SP100: variants seen among roughly 807,000 people sequenced by gnomAD.
SP100 encodes SP100 nuclear body protein, also known as nuclear autoantigen Sp-100.
SP100 carries 84 observed loss-of-function variants against 130.0 expected under a neutral mutation model. That is an observed-to-expected ratio of 0.65 (90% CI 0.54 to 0.77). The LOEUF (loss-of-function observed/expected upper bound fraction) is 0.77, where lower values mean the gene tolerates loss of function less well. Among genes scored for constraint, SP100 ranks in the 30% least tolerant of loss-of-function variants. SP100 has a pLI of 0.00. For missense variants in SP100, 978 were observed against 1,052.2 expected, an observed-to-expected ratio of 0.93 and a Z score of 0.97; for synonymous variants, 331 against 351.7, an observed-to-expected ratio of 0.94 and a Z score of 0.66.
chr2:230,530,603 T>G (rs1052385729), intron 24 of SP100, among the ~76,000 whole-genome samples: 1 of 152,148 alleles, frequency 6.6e-6, no homozygotes, highest in African/African-American at 2.4e-5. Flanking sequence ...ATAAAGAGCT[T>G]CTGCACAGCA....
chr2:230,481,579 C>G (rs914169652), intron 17 of SP100, among the ~76,000 whole-genome samples: 12 of 152,240 alleles, frequency 7.9e-5, no homozygotes, highest in Non-Finnish European at 1.3e-4. Flanking sequence ...TAAATGGTCT[C>G]TCTGCTTTCA....
At chr2:230,435,664 A>C (rs1214785894) in intron 2 of SP100, among the ~76,000 whole-genome samples, 1 of 152,158 alleles carries the variant, frequency 6.6e-6, no homozygotes, top group Non-Finnish European at 1.5e-5. Flanking sequence ...ATTCCATCAC[A>C]CAGGTGTTAA....
Position 230,540,946 on chromosome 2 carries a change from C to T in SP100, c.2281C>T (p.His761Tyr), listed in dbSNP as rs1335440836. The change falls in exon 26 of 29, where the codon CAT becomes TAT. Residue 761 changes from histidine (H) to tyrosine (Y), a missense_variant. Coordinates refer to ENST00000340126, the MANE Select transcript of SP100 (RefSeq NM_001080391.2). ...AAGATGCCCAGAAAGCCAATCAGGT[C>T]ATCAGGAATCTGAAGTCCTGATGAG... ...QERCPESQSGHQESEVLMRQM... is the reference protein window; with the variant it reads ...QERCPESQSGYQESEVLMRQM... The T allele has an allele frequency of 6.2e-7, 1 of 1,613,530 alleles. No individual in the cohort carries two copies. The highest frequency in any genetic ancestry group is 1.7e-5 in the Admixed American group (1 of 59,998).
chr2:230,522,476 C>CTTTTTTTTTTTTTTTTT (rs750389091), intron 24 of SP100, among the ~76,000 whole-genome samples: 1 of 82,138 alleles, frequency 1.2e-5, no homozygotes, highest in Non-Finnish European at 2.1e-5. Context: ...CCCCAGTGTT[C>CTTTTTTTTTTTTTTTTT]TTTTTTTTTT....
Position 230,461,341 on chromosome 2 carries a change from G to A in SP100, c.900G>A (p.Lys300=). The change falls in exon 9 of 29, where the codon AAG becomes AAA. Residue 300 remains lysine, a synonymous_variant. Coordinates refer to ENST00000340126, the MANE Select transcript of SP100 (RefSeq NM_001080391.2). ...GACTGGTGGATATAAAAAAGGAAAA[G>A]CCATTTTCTAATTCAAAAGTTGAGT... ...SVRLVDIKKE[K]PFSNSKVECQ... is the part of the protein sequence containing the mutation. 6.2e-7 allele frequency: 1 copy of A among 1,614,108 alleles called. No individual in the cohort carries two copies. The highest frequency in any genetic ancestry group is 8.5e-7 in the Non-Finnish European group (1 of 1,179,986).
chr2:230,529,243 T>A (rs13031070), intron 24 of SP100, among the ~76,000 whole-genome samples: 9,610 of 152,254 alleles, frequency 0.063, 393 homozygotes, highest in Middle Eastern at 0.11. Flanking sequence ...TCAAGTCACC[T>A]TCATCCCTGG....
At chr2:230,432,442 C>T (rs963428407) in intron 2 of SP100, among the ~76,000 whole-genome samples, 53 of 152,086 alleles carry the variant, frequency 3.5e-4, no homozygotes, top group African/African-American at 1.1e-3. Context: ...TTATGTTTCA[C>T]TTTTTTCAAA....
intron 13 of SP100, among the ~76,000 whole-genome samples, chr2:230,468,221 TAAAC>T (rs919238049): frequency 1.3e-5 from 2 of 152,154 alleles, no homozygotes; most frequent in Non-Finnish European, 2.9e-5. Context: ...AAACTCTTAA[TAAAC>T]ATTCATAATC....
intron 17 of SP100, among the ~76,000 whole-genome samples, chr2:230,479,704 T>C (rs73998821): frequency 0.016 from 2,416 of 152,294 alleles, 64 homozygotes; most frequent in African/African-American, 0.055. Context: ...ACCAATAGTG[T>C]GGAAGGCTTC....
chr2:230,468,629 A>G (rs2065083375), intron 13 of SP100, among the ~76,000 whole-genome samples: 1 of 151,998 alleles, frequency 6.6e-6, no homozygotes, highest in African/African-American at 2.4e-5. Flanking sequence ...CCTAGGCAAC[A>G]TGGCAAAACC....
intron 25 of SP100, among the ~76,000 whole-genome samples, chr2:230,540,419 G>A (rs1390555925): frequency 6.6e-6 from 1 of 152,158 alleles, no homozygotes; most frequent in Non-Finnish European, 1.5e-5. Flanking sequence ...AGATATGGCA[G>A]GGCCAAGGGA....
intron 22 of SP100, chr2:230,506,780 A>AAC (rs1317734018): frequency 5.3e-6 from 1 of 189,572 alleles, no homozygotes; most frequent in Admixed American, 6.7e-5. Context: ...GTAAATGTTA[A>AAC]ATACACACAC....
intron 24 of SP100, among the ~76,000 whole-genome samples, chr2:230,512,877 G>A (rs184447128): frequency 7.4e-4 from 112 of 152,280 alleles, no homozygotes; most frequent in African/African-American, 2.6e-3. Flanking sequence ...GGGAGACAGA[G>A]ACAGATCATG....
At chr2:230,448,188 G>A (rs1186210728) in intron 5 of SP100, among the ~76,000 whole-genome samples, 1 of 152,154 alleles carries the variant, frequency 6.6e-6, no homozygotes, top group African/African-American at 2.4e-5. Flanking sequence ...TATTCAAAGA[G>A]AAAGGCGGTC....
intron 2 of SP100, among the ~76,000 whole-genome samples, chr2:230,442,355 T>C (rs549955243): frequency 6.6e-6 from 1 of 152,304 alleles, no homozygotes; most frequent in Non-Finnish European, 1.5e-5. Flanking sequence ...CAAAGTAGAA[T>C]CAGGCATTCT....
intron 9 of SP100, 101 bp downstream of exon 9, chr2:230,461,515 G>T: frequency 8.3e-7 from 1 of 1,201,640 alleles, no homozygotes; most frequent in Non-Finnish European, 1.2e-6. Context: ...AGGTAGCCTG[G>T]GATGGAGGCA....
At position 230,462,519 on chromosome 2, in the gene SP100, G is replaced by A. The variant is rs2064710750; in HGVS notation, c.1057+1G>A. The A allele has an allele frequency of 6.2e-7, 1 of 1,612,086 alleles. No homozygotes were observed. The highest frequency in any genetic ancestry group is 2.2e-5 in the East Asian group (1 of 44,842). On this transcript the variant is annotated splice_donor_variant, in intron 10 of 28. Transcript: ENST00000340126. LOFTEE classifies it high-confidence loss of function. ...ATCTCAGCACCGAGAAGTGAGCCTG[G>A]TAAGGAAGTTTGGGAGAGCAAGGCT...
At position 230,508,048 on chromosome 2, in the gene SP100, C is replaced by T. The variant is rs1162486043; in HGVS notation, c.2052+17C>T. 3 of 1,612,928 alleles carry T rather than the reference C, an allele frequency of 1.9e-6. No individual in the cohort carries two copies. Among genetic ancestry groups the T allele is most frequent in the Admixed American group, 3.3e-5 (2 of 59,960 alleles). ...AGAAAAAAGGTGATGATCAAGTGATCTTCTGCCAATGTCTCGTCTATTATG... is the reference window on the plus strand; with the variant it reads ...AGAAAAAAGGTGATGATCAAGTGATTTTCTGCCAATGTCTCGTCTATTATG... On this transcript the variant is annotated intron_variant, in intron 23 of 28. Transcript: ENST00000340126.
Position 230,539,338 on chromosome 2 carries a change from A to G in SP100, c.2166A>G (p.Arg722=). 1.2e-6 allele frequency: 2 copies of G among 1,613,982 alleles called. No homozygotes were observed. The highest frequency in any genetic ancestry group is 1.7e-6 in the Non-Finnish European group (2 of 1,179,878). Residue 722 remains arginine (R), a synonymous_variant, in exon 25 of 29, where the codon AGA becomes AGG. Coordinates refer to ENST00000340126, the MANE Select transcript of SP100 (RefSeq NM_001080391.2). ...GRLFCCDTCP[R]SFHEHCHIPS... The stretch of plus-strand genomic sequence containing the variant: ...TGTTCTGCTGCGACACTTGTCCAAG[A>G]TCCTTTCATGAGCACTGCCACATCC...
Sources: gnomAD v4.1 joint callset for allele counts (sites outside exome capture counted in the v4.1 genomes callset) on GRCh38, gnomAD v4.1.1 for gene constraint, MANE v1.5 for transcripts, NCBI Gene and HGNC (gene_info 2026-07-23, HGNC 2026-07-21) for gene names.